The following RASGRF2 variants were observed in gnomAD, a reference collection of about 807,000 sequenced individuals.
RASGRF2 encodes the protein Ras protein specific guanine nucleotide releasing factor 2, also known as ras-specific guanine nucleotide-releasing factor 2.
Under a neutral mutation model 151.0 loss-of-function variants are expected in RASGRF2, and 76 were observed. The ratio of observed to expected loss-of-function variants is 0.50; its 90% CI spans 0.42 to 0.61. The LOEUF is 0.61. Among genes scored for constraint, RASGRF2 ranks in the 20% least tolerant of loss-of-function variants. The probability of loss-of-function intolerance (pLI) is 0.00; values close to 1 mark genes in which losing one functional copy is unlikely to be tolerated. For missense variants in RASGRF2, 1,148 were observed against 1,564.6 expected (o/e 0.73, Z 4.49); for synonymous variants, 504 against 566.5 (o/e 0.89, Z 1.57).
intron 9 of RASGRF2, among the ~76,000 whole-genome samples, chr5:81,090,093 G>A (rs1752346110): frequency 6.6e-6 from 1 of 152,078 alleles, no homozygotes; most frequent in Non-Finnish European, 1.5e-5. Context: ...GGACCTTTCT[G>A]GTATTTTAAT....
At chr5:81,045,988 G>A (rs1033326985) in intron 2 of RASGRF2, among the ~76,000 whole-genome samples, 1 of 152,064 alleles carries the variant, frequency 6.6e-6, no homozygotes, top group African/African-American at 2.4e-5. Context: ...TTTCACCCTC[G>A]AAAGACAGTC....
At chr5:80,978,972 T>A (rs1029015932) in intron 1 of RASGRF2, among the ~76,000 whole-genome samples, 39 of 152,230 alleles carry the variant, frequency 2.6e-4, no homozygotes, top group Non-Finnish European at 2.9e-5. Flanking sequence ...AACATTCCCC[T>A]ACTGTTGGAT....
intron 10 of RASGRF2, 58 bp downstream of exon 10, chr5:81,093,019 T>C (rs996488896): frequency 6.8e-7 from 1 of 1,473,688 alleles, no homozygotes; most frequent in African/African-American, 1.4e-5. Flanking sequence ...GTTATTGAAG[T>C]TAACTCATTT....
chr5:81,175,333 A>G (rs563644690), intron 17 of RASGRF2, among the ~76,000 whole-genome samples: 1 of 152,354 alleles, frequency 6.6e-6, no homozygotes, highest in East Asian at 1.9e-4. Flanking sequence ...CCTGGCACAA[A>G]GCAGCAATAA....
intron 13 of RASGRF2, 116 bp downstream of exon 13, chr5:81,109,194 T>C: frequency 7.0e-7 from 1 of 1,429,632 alleles, no homozygotes; most frequent in Non-Finnish European, 9.2e-7. Flanking sequence ...AGAATATGTT[T>C]CTTGACAGGA....
At chr5:81,205,100 T>C (rs1160098269) in intron 19 of RASGRF2, among the ~76,000 whole-genome samples, 1 of 152,252 alleles carries the variant, frequency 6.6e-6, no homozygotes, top group East Asian at 1.9e-4. Context: ...GAGTTAGCTT[T>C]AACTTATTTT....
At chr5:81,134,339 G>A (rs921469101) in intron 17 of RASGRF2, among the ~76,000 whole-genome samples, 1 of 152,046 alleles carries the variant, frequency 6.6e-6, no homozygotes, top group Non-Finnish European at 1.5e-5. Flanking sequence ...TGTTTTAGGT[G>A]TAGATATGGT....
chr5:81,060,210 A>G (rs913570517), intron 2 of RASGRF2, among the ~76,000 whole-genome samples: 4 of 152,348 alleles, frequency 2.6e-5, no homozygotes, highest in East Asian at 1.9e-4. Context: ...TTACATCTCA[A>G]TGTGAGATTT....
intron 12 of RASGRF2, among the ~76,000 whole-genome samples, chr5:81,098,307 T>C (rs2112512779): frequency 6.6e-6 from 1 of 152,320 alleles, no homozygotes; most frequent in Non-Finnish European, 1.5e-5. Flanking sequence ...GTCTCAGAAG[T>C]CTGCTAGACA....
At chr5:81,142,284 CAGAAG>C (rs1753902059) in intron 17 of RASGRF2, among the ~76,000 whole-genome samples, 1 of 152,040 alleles carries the variant, frequency 6.6e-6, no homozygotes, top group Non-Finnish European at 1.5e-5. Flanking sequence ...GCAAGCAGTC[CAGAAG>C]AGAGATGTTA....
chr5:81,064,861 G>GTTTC (rs1442083944), intron 2 of RASGRF2, among the ~76,000 whole-genome samples: 1 of 152,144 alleles, frequency 6.6e-6, no homozygotes, highest in Non-Finnish European at 1.5e-5. Flanking sequence ...ATGTTATATG[G>GTTTC]CAAAGGAAAA....
rs1297233113 is a variant in RASGRF2, at chr5:81,131,767, C to T, written c.2686+4604C>T. Among the ~76,000 whole-genome samples the T allele has an allele frequency of 5.3e-5, 8 of 152,064 alleles. No homozygotes were observed. The East Asian group carries it at 1.2e-3, about 22-fold the overall frequency. On this transcript the variant is annotated intron_variant, in intron 17 of 26. Coordinates refer to ENST00000265080, the MANE Select transcript of RASGRF2 (RefSeq NM_006909.3). The stretch of plus-strand genomic sequence containing the variant: ...TTCCATGTCATGCTCCCTTTGTTTA[C>T]CTGAGTCACTGCTATCCAGAGAATC...
intron 1 of RASGRF2, among the ~76,000 whole-genome samples, chr5:80,972,263 T>C (rs1747962768): frequency 6.6e-6 from 1 of 152,212 alleles, no homozygotes; most frequent in Non-Finnish European, 1.5e-5. Flanking sequence ...TTTTGCTAAA[T>C]AGTTTTCCAA....
intron 17 of RASGRF2, among the ~76,000 whole-genome samples, chr5:81,150,816 A>G (rs1754117908): frequency 6.6e-6 from 1 of 152,248 alleles, no homozygotes. Context: ...GGCACAATCA[A>G]GAGACCCAGA....
chr5:81,098,155 A>C (rs1752599576), intron 12 of RASGRF2, among the ~76,000 whole-genome samples: 2 of 152,192 alleles, frequency 1.3e-5, no homozygotes, highest in South Asian at 4.1e-4. Flanking sequence ...CTGAGATGTG[A>C]GAGTAAAAGG....
chr5:80,975,366 C>T (rs528758412), intron 1 of RASGRF2, among the ~76,000 whole-genome samples: 9 of 151,272 alleles, frequency 5.9e-5, no homozygotes, highest in East Asian at 3.9e-4. Flanking sequence ...CTTCTTAGTG[C>T]GTGTGTCGTT....
chr5:81,182,862 T>G (rs1282078936), intron 18 of RASGRF2, among the ~76,000 whole-genome samples: 1 of 152,152 alleles, frequency 6.6e-6, no homozygotes, highest in Non-Finnish European at 1.5e-5. Context: ...AGGTCTTTAC[T>G]CTCCCAAGGC....
chr5:81,200,135 G>A (rs1755353993), intron 18 of RASGRF2, among the ~76,000 whole-genome samples: 2 of 151,796 alleles, frequency 1.3e-5, no homozygotes, highest in African/African-American at 4.8e-5. Context: ...GCTGGGCATG[G>A]TGGCACACAC....
intron 19 of RASGRF2, 31 bp from the exon 20 acceptor site, chr5:81,206,814 T>C (rs1185266310): frequency 1.3e-6 from 2 of 1,578,404 alleles, no homozygotes; most frequent in Non-Finnish European, 1.7e-6. Context: ...TATTTTTTCT[T>C]TCATGGAGGA....
Sources: gnomAD v4.1 joint callset for allele counts (sites outside exome capture counted in the v4.1 genomes callset) on GRCh38, gnomAD v4.1.1 for gene constraint, MANE v1.5 for transcripts, NCBI Gene and HGNC (gene_info 2026-07-23, HGNC 2026-07-21) for gene names.